The following MAP4K4 variants were observed in gnomAD, a reference collection of about 807,000 sequenced individuals.
MAP4K4 encodes HPK/GCK-like kinase HGK.
Under a neutral mutation model 189.6 loss-of-function variants are expected in MAP4K4, and 38 were observed. The ratio of observed to expected loss-of-function variants is 0.20; its 90% CI spans 0.15 to 0.26. The LOEUF (loss-of-function observed/expected upper bound fraction) is 0.26, where lower values mean the gene tolerates loss of function less well. Among genes scored for constraint, MAP4K4 ranks in the 10% least tolerant of loss-of-function variants. MAP4K4 has a pLI of 1.00. For synonymous variants in MAP4K4, 610 were observed against 624.3 expected (o/e 0.98, Z 0.34); for missense variants, 1,054 against 1,726.9 (o/e 0.61, Z 6.91).
At chr2:101,753,785 A>G (rs145261231) in intron 2 of MAP4K4, among the ~76,000 whole-genome samples, 153 of 151,410 alleles carry the variant, frequency 1.0e-3, no homozygotes, top group Middle Eastern at 6.8e-3. Context: ...ACTGTTTTGG[A>G]TTTAACCAGT....
intron 3 of MAP4K4, among the ~76,000 whole-genome samples, chr2:101,799,977 C>T (rs1186929373): frequency 1.3e-5 from 2 of 152,122 alleles, no homozygotes; most frequent in African/African-American, 4.8e-5. Flanking sequence ...TTTTTCTATT[C>T]TAGATCATAC....
intron 3 of MAP4K4, among the ~76,000 whole-genome samples, chr2:101,820,667 G>A (rs146514831): frequency 1.6e-3 from 240 of 152,272 alleles, no homozygotes; most frequent in African/African-American, 5.1e-3. Context: ...GGCCACTACC[G>A]TGTGCTAAGT....
At chr2:101,715,436 A>C (rs1190967326) in intron 2 of MAP4K4, among the ~76,000 whole-genome samples, 1 of 152,218 alleles carries the variant, frequency 6.6e-6, no homozygotes, top group Non-Finnish European at 1.5e-5. Flanking sequence ...TACTGAAGAC[A>C]CAGAAAATAA....
chr2:101,721,963 T>C lies in MAP4K4; in HGVS notation c.123+23425T>C, dbSNP rs569317894. Among the ~76,000 whole-genome samples the C allele has an allele frequency of 3.9e-5, 6 of 152,304 alleles. No homozygotes were observed. In the South Asian group the frequency reaches 1.2e-3, roughly 32 times the overall value. On this transcript the variant is annotated intron_variant, in intron 2 of 32. Transcript: ENST00000324219. ...TGATAGCAACTTCTTTGGCTAGTTG[T>C]ATTCCCTAACTCCTGCTGCAGCTGA...
At chr2:101,889,756 C>T (rs79238918) in intron 32 of MAP4K4, among the ~76,000 whole-genome samples, 4,784 of 152,158 alleles carry the variant, frequency 0.031, 91 homozygotes, top group Non-Finnish European at 0.049. Flanking sequence ...GTCACATTGA[C>T]AGACTAGCAG....
intron 5 of MAP4K4, among the ~76,000 whole-genome samples, chr2:101,828,880 C>T (rs538915540): frequency 6.6e-6 from 1 of 152,188 alleles, no homozygotes; most frequent in Non-Finnish European, 1.5e-5. Flanking sequence ...AGCTTTTGGG[C>T]CTCATTCCAG....
At chr2:101,800,429 G>A (rs2094255215) in intron 3 of MAP4K4, among the ~76,000 whole-genome samples, 1 of 152,224 alleles carries the variant, frequency 6.6e-6, no homozygotes, top group Admixed American at 6.5e-5. Flanking sequence ...ATTTCCGAAA[G>A]TGCTTTGAGC....
chr2:101,878,906 T>G (rs1577293741), intron 27 of MAP4K4, among the ~76,000 whole-genome samples: 1 of 152,192 alleles, frequency 6.6e-6, no homozygotes, highest in Admixed American at 6.5e-5. Flanking sequence ...ATGCAAAAAT[T>G]TCACTATTTA....
intron 12 of MAP4K4, among the ~76,000 whole-genome samples, chr2:101,853,039 G>C (rs2097336269): frequency 1.3e-5 from 2 of 152,280 alleles, no homozygotes; most frequent in East Asian, 3.9e-4. Context: ...AGGATTCCCA[G>C]AATATTGTGA....
At chr2:101,817,002 A>T (rs1235209243) in intron 3 of MAP4K4, among the ~76,000 whole-genome samples, 6 of 145,578 alleles carry the variant, frequency 4.1e-5, no homozygotes, top group South Asian at 4.3e-4. Flanking sequence ...CTAAACTCTT[A>T]TTTTTTTTTT....
At position 101,850,762 on chromosome 2, in the gene MAP4K4, TG is replaced by T. The variant is rs556997936; in HGVS notation, c.1234-5213del. Among the ~76,000 whole-genome samples the T allele has an allele frequency of 1.6e-3, 246 of 152,300 alleles. 1 individual carries two copies. The highest frequency in any genetic ancestry group is 5.3e-3 in the African/African-American group (221 of 41,564). Reference sequence around the variant, plus strand: ...CCTCATAAGTTCTTAAATATTCTCTTGGCATCCCAGTCTGGCATTTGGTTAT... The same window carrying T: ...CCTCATAAGTTCTTAAATATTCTCTTGCATCCCAGTCTGGCATTTGGTTAT... On this transcript the variant is annotated intron_variant, in intron 12 of 32. Coordinates refer to ENST00000324219, the Ensembl canonical transcript of MAP4K4.
intron 11 of MAP4K4, among the ~76,000 whole-genome samples, chr2:101,843,879 A>G (rs878977181): frequency 4.6e-5 from 7 of 152,262 alleles, no homozygotes; most frequent in Non-Finnish European, 8.8e-5. Context: ...TCAAGCAAAC[A>G]TCTAGGACAG....
chr2:101,875,358 G>C (rs934674122), intron 26 of MAP4K4, among the ~76,000 whole-genome samples: 1 of 151,490 alleles, frequency 6.6e-6, no homozygotes, highest in Non-Finnish European at 1.5e-5. Flanking sequence ...CTTTTTAGTT[G>C]TACAGCATTT....
chr2:101,813,113 C>T (rs185636870), intron 3 of MAP4K4, among the ~76,000 whole-genome samples: 6 of 152,142 alleles, frequency 3.9e-5, no homozygotes, highest in Non-Finnish European at 7.4e-5. Flanking sequence ...AGCAAGATTT[C>T]GTCTCAAAAT....
chr2:101,883,531 C>A (rs59990482), intron 28 of MAP4K4, among the ~76,000 whole-genome samples: 4,726 of 152,096 alleles, frequency 0.031, 255 homozygotes, highest in African/African-American at 0.11. Context: ...CATGAAAAAA[C>A]CAAAATACTG....
intron 3 of MAP4K4, among the ~76,000 whole-genome samples, chr2:101,813,046 G>C (rs1057319366): frequency 1.3e-5 from 2 of 152,080 alleles, no homozygotes; most frequent in East Asian, 3.9e-4. Flanking sequence ...GGAGAATGGC[G>C]TGAACCCAGG....
chr2:101,820,864 C>T (rs1417804771), intron 3 of MAP4K4, among the ~76,000 whole-genome samples: 1 of 152,148 alleles, frequency 6.6e-6, no homozygotes, highest in Non-Finnish European at 1.5e-5. Context: ...TTACACTGTG[C>T]ATGTTGATGT....
intron 24 of MAP4K4, 26 bp from the exon 25 acceptor site, chr2:101,873,621 T>G: frequency 8.3e-7 from 1 of 1,210,068 alleles, no homozygotes; most frequent in Non-Finnish European, 1.2e-6. Context: ...CCAGTTGTAT[T>G]AATAACATTG....
intron 6 of MAP4K4, 67 bp downstream of exon 6, chr2:101,829,661 C>G (rs1276883447): frequency 3.8e-6 from 4 of 1,063,008 alleles, no homozygotes; most frequent in South Asian, 1.3e-5. Flanking sequence ...ACTCCCAGTT[C>G]TGCTTCCATC....
Sources: gnomAD v4.1 joint callset for allele counts (sites outside exome capture counted in the v4.1 genomes callset) on GRCh38, gnomAD v4.1.1 for gene constraint, MANE v1.5 for transcripts, NCBI Gene and HGNC (gene_info 2026-07-23, HGNC 2026-07-21) for gene names.